SPTB: variants seen among roughly 807,000 people sequenced by gnomAD.
SPTB encodes spectrin beta, erythrocytic.
SPTB carries 45 observed loss-of-function variants against 256.2 expected under a neutral mutation model. That is an observed-to-expected ratio of 0.18 (90% CI 0.14 to 0.23). The LOEUF (loss-of-function observed/expected upper bound fraction) is 0.23. Ranked by LOEUF, SPTB falls within the 10% of genes least tolerant of loss-of-function variation. The pLI, the probability that SPTB is intolerant of heterozygous loss-of-function variation, is 1.00. For synonymous variants in SPTB, 1,231 were observed against 1,243.1 expected (o/e 0.99, Z 0.21); for missense variants, 2,715 against 3,040.4 (o/e 0.89, Z 2.52).
intron 20 of SPTB, 95 bp from the exon 21 acceptor site, chr14:64,780,026 C>T (rs1332798344): frequency 3.5e-6 from 4 of 1,133,036 alleles, no homozygotes; most frequent in Non-Finnish European, 5.4e-6. Context: ...TCCTTTAAGG[C>T]CCAATTTGAG....
chr14:64,809,123 A>G (rs1160675002), intron 2 of SPTB, among the ~76,000 whole-genome samples: 1 of 151,830 alleles, frequency 6.6e-6, no homozygotes, highest in African/African-American at 2.4e-5. Flanking sequence ...TTAGCCAGGC[A>G]TGGTGGCAAG....
rs192527964 is a variant in SPTB, at chr14:64,823,942, G to A, written c.-51-797C>T. ...ACCGTGCATTGTGAGTCCATGTGAT[G>A]AACCAGCGCATCAGGAGCACTGGGT... On this transcript the variant is annotated intron_variant, in intron 1 of 35. Coordinates refer to ENST00000644917, the MANE Select transcript of SPTB (RefSeq NM_001355436.2). The surrounding 1 kb of genome is among the most constrained non-coding windows in gnomAD (Gnocchi z 6.5). Among the ~76,000 whole-genome samples, 383 of 152,332 alleles carry A rather than the reference G, an allele frequency of 2.5e-3. No individual in the cohort carries two copies. The highest frequency in any genetic ancestry group is 9.0e-3 in the African/African-American group (376 of 41,572).
chr14:64,788,565 G>A (rs1174413499), intron 15 of SPTB, among the ~76,000 whole-genome samples: 1 of 152,156 alleles, frequency 6.6e-6, no homozygotes, highest in Non-Finnish European at 1.5e-5. Flanking sequence ...GGAAATCAAG[G>A]GGTTTTCTCC....
At chr14:64,819,358 C>T (rs1594811093) in intron 2 of SPTB, among the ~76,000 whole-genome samples, 1 of 152,190 alleles carries the variant, frequency 6.6e-6, no homozygotes, top group South Asian at 2.1e-4. Context: ...GAAAAGATCA[C>T]ATCCAGTCAC....
At position 64,786,894 on chromosome 14, in the gene SPTB, G is replaced by A. The variant is rs190108600; in HGVS notation, c.3071C>T (p.Ser1024Leu). 1.7e-5 allele frequency: 27 copies of A among 1,612,834 alleles called. No individual in the cohort carries two copies. In the African/African-American group the frequency reaches 1.7e-4, roughly 10 times the overall value. The change falls in exon 16 of 36, where the codon TCG becomes TTG. Residue 1024 changes from serine (S) to leucine (L), a missense_variant. By Grantham distance (145) the Ser-to-Leu change is moderately radical. This residue lies in a region of SPTB where 2,239 missense variants were observed against 2,384.4 expected (regional missense o/e 0.94). Transcript: ENST00000644917. This position sits in a 1 kb window ranked among gnomAD's most constrained non-coding sequence, Gnocchi z 5.6. ...AATATCCTCCTTCTGCTCAGGGTGC[G>A]AGTCCATCAGCTGCTGGGACTCACG... Reference protein sequence around the residue: ...LERESQQLMDSHPEQKEDIGQ... With the variant: ...LERESQQLMDLHPEQKEDIGQ...
rs1377891764 is a variant in SPTB, at chr14:64,795,542, G to A, written c.1439C>T (p.Ala480Val). The change falls in exon 12 of 36, where the codon GCC becomes GTC. Residue 480 changes from alanine (A) to valine (V), a missense_variant. Physicochemically the swap from Ala to Val is moderately conservative, Grantham distance 64. Transcript: ENST00000644917. This position sits in a 1 kb window ranked among gnomAD's most constrained non-coding sequence, Gnocchi z 6.5. ...CAGCTCCTGAGCCAGGTCCTCCAGG[G>A]CTCTCACCCGCTCCTCGTAGGCAGC... Reference protein sequence around the residue: ...DTAAYEERVRALEDLAQELEK... With the variant: ...DTAAYEERVRVLEDLAQELEK... 5 of 1,614,018 alleles carry A rather than the reference G, an allele frequency of 3.1e-6. No individual in the cohort carries two copies. The highest frequency in any genetic ancestry group is 4.2e-6 in the Non-Finnish European group (5 of 1,180,038).
chr14:64,868,317 G>T (rs79533246), intron 1 of SPTB, among the ~76,000 whole-genome samples: 78 of 150,520 alleles, frequency 5.2e-4, no homozygotes, highest in Middle Eastern at 6.9e-3. Context: ...GTGGAAGTAT[G>T]GGGGGGAAAA....
chr14:64,762,601 A>G (rs2082110207), intron 32 of SPTB, among the ~76,000 whole-genome samples: 2 of 152,216 alleles, frequency 1.3e-5, no homozygotes, highest in South Asian at 2.1e-4. Flanking sequence ...ATGGAGACGC[A>G]AGGGACCTAG....
chr14:64,834,016 C>G (rs1425138309), intron 1 of SPTB, among the ~76,000 whole-genome samples: 1 of 152,052 alleles, frequency 6.6e-6, no homozygotes, highest in African/African-American at 2.4e-5. Flanking sequence ...CTCAACCACA[C>G]ATTGTTTTTT....
rs769616625 is a variant in SPTB at position 64,749,141 on chromosome 14, C to T, written c.*165G>A. On this transcript the variant is annotated 3_prime_UTR_variant, in exon 36 of 36. Transcript: ENST00000644917. This position sits in a 1 kb window ranked among gnomAD's most constrained non-coding sequence, Gnocchi z 4.7. ...GCATGGAGGGGGCGTCGGCCCAGGA[C>T]ACGCGGGCGAAGGCAGCTTTTGCAG... 4.0e-6 allele frequency: 3 copies of T among 748,040 alleles called. No homozygotes were observed. The highest frequency in any genetic ancestry group is 6.2e-6 in the Non-Finnish European group (3 of 482,478). 46.3% of individuals were successfully genotyped at this position (748,040 alleles called of 1,614,324 possible). A position where few individuals can be genotyped will look rare whatever the true frequency, so the allele number is the denominator to read the frequency against.
chr14:64,774,374 G>A (rs759622689), intron 24 of SPTB, 23 bp downstream of exon 24: 12 of 1,579,648 alleles, frequency 7.6e-6, no homozygotes, highest in South Asian at 1.2e-5. Flanking sequence ...TCCTGACCGA[G>A]TCACCACAGG....
Position 64,823,557 on chromosome 14 carries a change from C to T in SPTB, c.-51-412G>A, listed in dbSNP as rs139325730. The stretch of plus-strand genomic sequence containing the variant: ...CCCTGAGGACTAGGCCAGGACCTAA[C>T]CTGGTGGGGGAGATGGGGACAGGCC... On this transcript the variant is annotated intron_variant, in intron 1 of 35. Transcript: ENST00000644917. The surrounding 1 kb of genome is among the most constrained non-coding windows in gnomAD (Gnocchi z 6.5). Among the ~76,000 whole-genome samples, 223 of 152,256 alleles carry T rather than the reference C, an allele frequency of 1.5e-3. 1 individual carries two copies. Among genetic ancestry groups the T allele is most frequent in the African/African-American group, 5.0e-3 (208 of 41,542 alleles).
In SPTB at chr14:64,767,695, C is replaced by T. The variant is rs1310397240; in HGVS notation, c.6187G>A (p.Glu2063Lys). Residue 2063 changes from glutamate (E) to lysine (K), a missense_variant, in exon 30 of 36, where the codon GAG becomes AAG. Transcript: ENST00000644917. The stretch of plus-strand genomic sequence containing the variant: ...GGCTTCTCCAGGGCAGCAAAGCGCT[C>T]TGCCCAGCTGGCCGTGGACTTCTCA... ...AFEKSTASWAERFAALEKPTT... is the reference protein window; with the variant it reads ...AFEKSTASWAKRFAALEKPTT... The T allele has an allele frequency of 6.2e-7, 1 of 1,614,230 alleles. No homozygotes were observed. The highest frequency in any genetic ancestry group is 8.5e-7 in the Non-Finnish European group (1 of 1,180,040).
At chr14:64,797,100 T>C (rs185025737) in intron 10 of SPTB, among the ~76,000 whole-genome samples, 65 of 152,184 alleles carry the variant, frequency 4.3e-4, no homozygotes, top group African/African-American at 1.5e-3. Context: ...TTCCCTTTGG[T>C]TATAAGTAGT....
At position 64,774,510 on chromosome 14, in the gene SPTB, A is replaced by C. The variant is rs229592; in HGVS notation, c.4860T>G (p.Ile1620Met). 1 of 1,553,674 alleles carries C rather than the reference A, an allele frequency of 6.4e-7. No individual in the cohort carries two copies. The highest frequency in any genetic ancestry group is 8.7e-7 in the Non-Finnish European group (1 of 1,148,304). The change falls in exon 24 of 36, where the codon ATT (isoleucine) becomes ATG (methionine). Residue 1620 changes from isoleucine to methionine, a missense_variant. Ile to Met is a conservative substitution (Grantham distance 10). Coordinates refer to ENST00000644917, the MANE Select transcript of SPTB (RefSeq NM_001355436.2). ...GCCGCAAATGTCGCTTCAGCATCAC[A>C]ATGGCGCCCTCTTCATCCTAGGAGG... ...DEIPKDEEGAIVMLKRHLRQQ... is the reference protein window; with the variant it reads ...DEIPKDEEGAMVMLKRHLRQQ...
intron 10 of SPTB, 136 bp downstream of exon 10, chr14:64,797,593 C>A: frequency 1.2e-6 from 1 of 808,828 alleles, no homozygotes; most frequent in Non-Finnish European, 2.2e-6. Context: ...CGATAACTCC[C>A]CCAAATAGTC....
rs143077561 is a variant in SPTB, at chr14:64,801,295, G to C, written c.753C>G (p.Leu251=). 6 of 1,613,800 alleles carry C rather than the reference G, an allele frequency of 3.7e-6. No individual in the cohort carries two copies. The highest frequency in any genetic ancestry group is 5.1e-6 in the Non-Finnish European group (6 of 1,179,768). ...GTGGGTGTGGCTCACCTTCGGGGTC[G>C]AGGAGCGGGATGATGCCCAGCTGGC... The part of the protein sequence containing the change: ...AERQLGIIPL[L]DPEDVFTENP... The change falls in exon 7 of 36, where the codon CTC becomes CTG. Residue 251 remains leucine (L), a synonymous_variant. Transcript: ENST00000644917.
intron 1 of SPTB, among the ~76,000 whole-genome samples, chr14:64,831,358 CCTTT>C (rs1830685819): frequency 6.6e-6 from 1 of 152,194 alleles, no homozygotes; most frequent in Non-Finnish European, 1.5e-5. Flanking sequence ...TCTTCTCTCT[CCTTT>C]CTTTCAGAGC....
At chr14:64,752,316 C>A (rs1268806779) in intron 33 of SPTB, 1 of 1,240,256 alleles carries the variant, frequency 8.1e-7, no homozygotes, top group East Asian at 5.3e-5. Context: ...TTCTCCCTTA[C>A]TTTTGAGGGC....
Sources: allele counts gnomAD v4.1 joint callset (sites outside exome capture counted in the v4.1 genomes callset), GRCh38; gene constraint gnomAD v4.1.1; regional missense constraint gnomAD v4.1.1; non-coding constraint Gnocchi (gnomAD v3.1); transcripts MANE v1.5; gene names NCBI Gene and HGNC (gene_info 2026-07-23, HGNC 2026-07-21).